TBXAS1: variants seen among roughly 807,000 people sequenced by gnomAD.
TBXAS1 encodes the protein thromboxane-A synthase.
A neutral mutation model predicts 60.7 loss-of-function variants in TBXAS1; 48 were observed. The ratio of observed to expected loss-of-function variants is 0.79; its 90% confidence interval spans 0.63 to 1.01. The LOEUF (loss-of-function observed/expected upper bound fraction) is 1.01, where lower values mean the gene tolerates loss of function less well. Ranked by LOEUF, TBXAS1 falls within the 50% of genes least tolerant of loss-of-function variation. The pLI is 0.00. For synonymous variants in TBXAS1, 287 were observed against 269.7 expected (o/e 1.06, Z -0.63); for missense variants, 685 against 686.3 (o/e 1.00, Z 0.02).
intron 3 of TBXAS1, among the ~76,000 whole-genome samples, chr7:139,890,892 T>C (rs1012766780): frequency 2.0e-5 from 3 of 151,934 alleles, no homozygotes; most frequent in African/African-American, 7.3e-5. Flanking sequence ...CAATTGTGTT[T>C]AATGTGTTTT....
At chr7:139,856,199 C>G (rs979782287) in intron 1 of TBXAS1, among the ~76,000 whole-genome samples, 4 of 152,346 alleles carry the variant, frequency 2.6e-5, no homozygotes, top group Non-Finnish European at 4.4e-5. Flanking sequence ...AAATGGACTA[C>G]AGGGTTGTGG....
intron 10 of TBXAS1, among the ~76,000 whole-genome samples, chr7:140,008,232 C>T (rs1814247301): frequency 6.6e-6 from 1 of 152,176 alleles, no homozygotes; most frequent in African/African-American, 2.4e-5. Flanking sequence ...TCCAAATGTT[C>T]AAGTCCAGAA....
intron 4 of TBXAS1, among the ~76,000 whole-genome samples, chr7:139,803,071 A>G (rs776072924): frequency 2.0e-5 from 3 of 152,238 alleles, no homozygotes; most frequent in Non-Finnish European, 4.4e-5. Flanking sequence ...AATATACCTG[A>G]AAATGTGGAA....
intron 3 of TBXAS1, among the ~76,000 whole-genome samples, chr7:139,908,821 T>C (rs1805300660): frequency 6.6e-6 from 1 of 152,210 alleles, no homozygotes; most frequent in Non-Finnish European, 1.5e-5. Context: ...CCTTTCTGTT[T>C]GGAGAACATC....
chr7:139,969,601 AAT>A (rs1491074635), intron 9 of TBXAS1, among the ~76,000 whole-genome samples: 1 of 152,180 alleles, frequency 6.6e-6, no homozygotes, highest in Non-Finnish European at 1.5e-5. Flanking sequence ...GGAAAAAAAA[AAT>A]GTCTTCCCAT....
chr7:139,795,371 T>A (rs1343441103), intron 4 of TBXAS1, among the ~76,000 whole-genome samples: 3 of 99,754 alleles, frequency 3.0e-5, no homozygotes, highest in African/African-American at 1.3e-4. Flanking sequence ...TGTTTGTTTT[T>A]TTCTTGTAAA....
chr7:139,949,030 T>C (rs1808983252), intron 5 of TBXAS1, among the ~76,000 whole-genome samples: 1 of 152,222 alleles, frequency 6.6e-6, no homozygotes, highest in Non-Finnish European at 1.5e-5. Context: ...ATCCATTCAG[T>C]TCGACAGACA....
At chr7:139,871,328 T>C (rs1403830675) in intron 1 of TBXAS1, among the ~76,000 whole-genome samples, 1 of 152,212 alleles carries the variant, frequency 6.6e-6, no homozygotes, top group African/African-American at 2.4e-5. Flanking sequence ...TAAATTGTGA[T>C]TTGGCTGATC....
intron 4 of TBXAS1, chr7:139,912,962 T>C: frequency 1.6e-6 from 1 of 619,316 alleles, no homozygotes; most frequent in Non-Finnish European, 2.9e-6. Context: ...CTAGAGCTCT[T>C]TTTACTGCCA....
chr7:139,834,079 A>T (rs912891147), intron 1 of TBXAS1, among the ~76,000 whole-genome samples: 2 of 152,216 alleles, frequency 1.3e-5, no homozygotes, highest in Non-Finnish European at 2.9e-5. Context: ...AGCCTCAATA[A>T]ATTTAAGAAA....
intron 9 of TBXAS1, among the ~76,000 whole-genome samples, chr7:139,974,663 C>T (rs539699490): frequency 1.3e-5 from 2 of 152,164 alleles, no homozygotes; most frequent in Admixed American, 6.5e-5. Flanking sequence ...TAAGAATACA[C>T]GTGCAATGTT....
In TBXAS1 at chr7:140,017,688, G is replaced by T. The variant is rs1259191382; in HGVS notation, c.1382G>T (p.Arg461Leu). Residue 461 changes from arginine (R) to leucine (L), a missense_variant, in exon 12 of 13, where the codon CGG (arginine) becomes CTG (leucine). Arg to Leu is a moderately radical substitution (Grantham distance 102). Coordinates refer to ENST00000448866, the MANE Select transcript of TBXAS1 (RefSeq NM_001061.7). Reference sequence around the variant, plus strand: ...ACCTGCAGGTTCACGGCTGAGGCCCGGCAGCAGCACCGGCCCTTCACGTAC... The same window carrying T: ...ACCTGCAGGTTCACGGCTGAGGCCCTGCAGCAGCACCGGCCCTTCACGTAC... Reference protein sequence around the residue: ...FNPERFTAEARQQHRPFTYLP... With the variant: ...FNPERFTAEALQQHRPFTYLP... The T allele has an allele frequency of 6.2e-7, 1 of 1,613,192 alleles. No homozygotes were observed. The highest frequency in any genetic ancestry group is 1.3e-5 in the African/African-American group (1 of 74,918).
intron 1 of TBXAS1, among the ~76,000 whole-genome samples, chr7:139,832,759 T>G (rs1260028810): frequency 6.6e-6 from 1 of 152,230 alleles, no homozygotes; most frequent in Non-Finnish European, 1.5e-5. Context: ...AACTGAAGAT[T>G]TCTCAGCTGA....
chr7:139,904,543 A>C (rs955611925), intron 3 of TBXAS1, among the ~76,000 whole-genome samples: 6 of 152,100 alleles, frequency 3.9e-5, no homozygotes, highest in Non-Finnish European at 7.4e-5. Flanking sequence ...TGGCAGTATG[A>C]TCATTTTCAC....
chr7:139,793,227 G>C (rs1797444342), intron 4 of TBXAS1, among the ~76,000 whole-genome samples: 2 of 152,022 alleles, frequency 1.3e-5, no homozygotes, highest in African/African-American at 4.8e-5. Context: ...GACCAGCCTG[G>C]CCAACATAGT....
chr7:140,018,193 A>G (rs955308751), intron 12 of TBXAS1, among the ~76,000 whole-genome samples: 1 of 152,154 alleles, frequency 6.6e-6, no homozygotes, highest in South Asian at 2.1e-4. Flanking sequence ...GCACACAGAC[A>G]ATGGCATTTG....
At chr7:140,019,927 T>C (rs1197743191) in intron 12 of TBXAS1, 98 bp from the exon 13 acceptor site, 1 of 1,176,946 alleles carries the variant, frequency 8.5e-7, no homozygotes, top group Non-Finnish European at 1.3e-6. Flanking sequence ...TGTGTGACCT[T>C]GGACAACGGA....
chr7:139,804,580 C>A (rs750708720), intron 4 of TBXAS1, among the ~76,000 whole-genome samples: 1 of 152,176 alleles, frequency 6.6e-6, no homozygotes, highest in Non-Finnish European at 1.5e-5. Context: ...GCTGTGTCCC[C>A]ACCCAAATCT....
chr7:139,847,006 C>T (rs1181439831), intron 1 of TBXAS1, among the ~76,000 whole-genome samples: 2 of 152,180 alleles, frequency 1.3e-5, no homozygotes, highest in African/African-American at 4.8e-5. Flanking sequence ...CATTCTCTCC[C>T]TGTCTCCTTG....
Sources: allele counts gnomAD v4.1 joint callset (sites outside exome capture counted in the v4.1 genomes callset), GRCh38; gene constraint gnomAD v4.1.1; transcripts MANE v1.5; gene names NCBI Gene and HGNC (gene_info 2026-07-23, HGNC 2026-07-21).